The following SPRING1 variants were observed in gnomAD, a reference collection of about 807,000 sequenced individuals.
SPRING1 encodes SREBF pathway regulator in golgi 1.
A neutral mutation model predicts 24.7 loss-of-function variants in SPRING1; 14 were observed. The ratio of observed to expected loss-of-function variants is 0.57; its 90% CI spans 0.37 to 0.88. The LOEUF is 0.88. Ranked by LOEUF, SPRING1 falls within the 40% of genes least tolerant of loss-of-function variation. SPRING1 has a pLI of 0.00. For synonymous variants in SPRING1, 93 were observed against 106.1 expected (o/e 0.88, Z 0.76); for missense variants, 255 against 268.4 (o/e 0.95, Z 0.35).
At chr12:116,718,912 C>G (rs1057214930) in intron 4 of SPRING1, among the ~76,000 whole-genome samples, 2 of 152,192 alleles carry the variant, frequency 1.3e-5, no homozygotes, top group African/African-American at 4.8e-5. Flanking sequence ...CCCAATGATA[C>G]TGAATGCTCG....
At chr12:116,725,542 A>G (rs190270248) in intron 1 of SPRING1, among the ~76,000 whole-genome samples, 2 of 152,348 alleles carry the variant, frequency 1.3e-5, no homozygotes, top group African/African-American at 4.8e-5. Context: ...CAGGATTATT[A>G]ATAACAGAAG....
rs1296364521 is a variant in SPRING1 at position 116,710,842 on chromosome 12, G to C, written c.*6968C>G. 6.6e-6 allele frequency: 1 copy of C among 152,128 alleles called. No individual in the cohort carries two copies. The highest frequency in any genetic ancestry group is 1.5e-5 in the Non-Finnish European group (1 of 68,026). The allele number at this position is 152,128 out of a possible 1,614,324, so 9.4% of individuals were successfully genotyped here. ...TAACAGCCAGGGGGACTTTTGGCTT[G>C]TTACAAAAATTGGAATTTGGATCTG... On this transcript the variant is annotated 3_prime_UTR_variant, in exon 5 of 5. Transcript: ENST00000261318.
intron 1 of SPRING1, among the ~76,000 whole-genome samples, chr12:116,729,046 T>A (rs1487598768): frequency 6.6e-6 from 1 of 152,146 alleles, no homozygotes; most frequent in Non-Finnish European, 1.5e-5. Flanking sequence ...CATTTAAAAA[T>A]AACAACAATG....
In SPRING1 at chr12:116,719,820, G is replaced by A. The variant is rs769500444; in HGVS notation, c.477C>T (p.Phe159=). 3.7e-6 allele frequency: 6 copies of A among 1,614,238 alleles called. No homozygotes were observed. Among genetic ancestry groups the A allele is most frequent in the East Asian group, 2.2e-5 (1 of 44,880 alleles). ...NRAAVAFQNL[F]MAVEDHFELC... is the part of the protein sequence containing the mutation. ...ACTCAAAGTGATCTTCGACTGCCAT[G>A]AAGAGGTTCTGGAATGCCACGGCTG... Residue 159 remains phenylalanine (F), a synonymous_variant, in exon 4 of 5, where the codon TTC becomes TTT. Coordinates refer to ENST00000261318, the MANE Select transcript of SPRING1 (RefSeq NM_024738.4).
At chr12:116,736,307 C>T (rs1434039781) in intron 1 of SPRING1, among the ~76,000 whole-genome samples, 1 of 152,132 alleles carries the variant, frequency 6.6e-6, no homozygotes, top group Non-Finnish European at 1.5e-5. Context: ...GCGCACCCCA[C>T]CACTCAGGGG....
At chr12:116,722,816 C>T (rs1345940498) in intron 2 of SPRING1, among the ~76,000 whole-genome samples, 2 of 152,146 alleles carry the variant, frequency 1.3e-5, no homozygotes, top group Non-Finnish European at 2.9e-5. Flanking sequence ...ATGCGTGACA[C>T]AGTGCTCATG....
intron 4 of SPRING1, among the ~76,000 whole-genome samples, chr12:116,719,156 A>G (rs1377857138): frequency 2.6e-5 from 4 of 152,262 alleles, no homozygotes; most frequent in Non-Finnish European, 4.4e-5. Context: ...AATAGCTGAG[A>G]GCCGAGGAGA....
At chr12:116,721,622 TAA>T (rs894288607) in intron 2 of SPRING1, among the ~76,000 whole-genome samples, 93 of 152,298 alleles carry the variant, frequency 6.1e-4, no homozygotes, top group African/African-American at 2.2e-3. Context: ...TCTTCTAAAT[TAA>T]GAGAGGATGA....
chr12:116,737,543 GGAAGGTA>G (rs1566063976), intron 1 of SPRING1, among the ~76,000 whole-genome samples: 1 of 127,522 alleles, frequency 7.8e-6, no homozygotes, highest in African/African-American at 3.2e-5. Flanking sequence ...AGGAAGGTGA[GGAAGGTA>G]AGGAAGGAAG....
intron 1 of SPRING1, among the ~76,000 whole-genome samples, chr12:116,725,355 T>C (rs1403129186): frequency 6.6e-6 from 1 of 152,098 alleles, no homozygotes; most frequent in Admixed American, 6.5e-5. Flanking sequence ...AAAAACAGTA[T>C]GGATAGGGTT....
intron 1 of SPRING1, among the ~76,000 whole-genome samples, chr12:116,736,196 C>CTGT (rs1871212883): frequency 6.6e-6 from 1 of 151,416 alleles, no homozygotes. Context: ...TTATCAACTA[C>CTGT]TGGCATCAAC....
At chr12:116,725,298 C>T (rs1277135380) in intron 1 of SPRING1, among the ~76,000 whole-genome samples, 4 of 152,118 alleles carry the variant, frequency 2.6e-5, no homozygotes, top group African/African-American at 9.7e-5. Context: ...TTCCTTTATC[C>T]AGCATATCCA....
intron 1 of SPRING1, among the ~76,000 whole-genome samples, chr12:116,726,403 C>T (rs1870691918): frequency 6.6e-6 from 1 of 152,132 alleles, no homozygotes; most frequent in African/African-American, 2.4e-5. Flanking sequence ...CCACCAGTAG[C>T]GGATTTTGTT....
chr12:116,717,844 T>C lies in SPRING1; in HGVS notation c.584A>G (p.Tyr195Cys). Reference sequence around the variant, plus strand: ...GAAGAGCTCGGGCGGGCTTTCTCCATAGCAATACTTTGCTATGGGGTCCCG... The same window carrying C: ...GAAGAGCTCGGGCGGGCTTTCTCCACAGCAATACTTTGCTATGGGGTCCCG... Reference protein sequence around the residue: ...TYRDPIAKYCYGESPPELFPA With the variant: ...TYRDPIAKYCCGESPPELFPA Residue 195 changes from tyrosine to cysteine, a missense_variant, in exon 5 of 5, where the codon TAT becomes TGT. Coordinates refer to ENST00000261318, the MANE Select transcript of SPRING1 (RefSeq NM_024738.4). The surrounding 1 kb of genome is among the most constrained non-coding windows in gnomAD (Gnocchi z 4.2). The C allele has an allele frequency of 6.2e-7, 1 of 1,607,736 alleles. No individual in the cohort carries two copies. The highest frequency in any genetic ancestry group is 1.1e-5 in the South Asian group (1 of 90,048).
chr12:116,712,710 T>C lies in SPRING1; in HGVS notation c.*5100A>G, dbSNP rs1239932534. 3 of 152,218 alleles carry C rather than the reference T, an allele frequency of 2.0e-5. No individual in the cohort carries two copies. Among genetic ancestry groups the C allele is most frequent in the Non-Finnish European group, 4.4e-5 (3 of 68,052 alleles). The allele number at this position is 152,218 out of a possible 1,614,324, so 9.4% of individuals were successfully genotyped here. A position where few individuals can be genotyped will look rare whatever the true frequency, so the allele number is the denominator to read the frequency against. On this transcript the variant is annotated 3_prime_UTR_variant, in exon 5 of 5. Coordinates refer to ENST00000261318, the MANE Select transcript of SPRING1 (RefSeq NM_024738.4). ...AAAGCCACTCCATTCAAAGAACTGCTGGTGAGGTGCTGGGGAGTCAATCCG... is the reference window on the plus strand; with the variant it reads ...AAAGCCACTCCATTCAAAGAACTGCCGGTGAGGTGCTGGGGAGTCAATCCG...
At chr12:116,721,694 AG>A (rs1208516858) in intron 2 of SPRING1, among the ~76,000 whole-genome samples, 1 of 152,224 alleles carries the variant, frequency 6.6e-6, no homozygotes, top group Non-Finnish European at 1.5e-5. Flanking sequence ...TTTTCTTTTC[AG>A]GGACTAGAAA....
At chr12:116,734,864 A>C (rs1443329008) in intron 1 of SPRING1, among the ~76,000 whole-genome samples, 2 of 152,256 alleles carry the variant, frequency 1.3e-5, no homozygotes, top group Non-Finnish European at 2.9e-5. Flanking sequence ...GAGATCCTGG[A>C]AGACAATCCA....
At chr12:116,729,339 A>G (rs996343906) in intron 1 of SPRING1, among the ~76,000 whole-genome samples, 27 of 152,238 alleles carry the variant, frequency 1.8e-4, no homozygotes, top group African/African-American at 5.8e-4. Context: ...GACACTAAAT[A>G]CTACACCAGA....
At chr12:116,736,855 T>C (rs749015799) in intron 1 of SPRING1, among the ~76,000 whole-genome samples, 1 of 152,178 alleles carries the variant, frequency 6.6e-6, no homozygotes, top group African/African-American at 2.4e-5. Flanking sequence ...AATCAAGTTA[T>C]GCACAAAAAG....
Sources: allele counts gnomAD v4.1 joint callset (sites outside exome capture counted in the v4.1 genomes callset), GRCh38; gene constraint gnomAD v4.1.1; non-coding constraint Gnocchi (gnomAD v3.1); transcripts MANE v1.5; gene names NCBI Gene and HGNC (gene_info 2026-07-23, HGNC 2026-07-21).